The following SP110 variants were observed in gnomAD, a reference collection of about 807,000 sequenced individuals.
SP110 encodes SP110 nuclear body protein.
SP110 carries 62 observed loss-of-function variants against 92.7 expected under a neutral mutation model. The ratio of observed to expected loss-of-function variants is 0.67; its 90% confidence interval spans 0.55 to 0.83. The LOEUF is 0.83. Ranked by LOEUF, SP110 falls within the 40% of genes least tolerant of loss-of-function variation. The probability of loss-of-function intolerance (pLI) is 0.00; values close to 1 mark genes in which losing one functional copy is unlikely to be tolerated. For synonymous variants in SP110, 273 were observed against 305.3 expected (o/e 0.89, Z 1.10); for missense variants, 793 against 863.9 (o/e 0.92, Z 1.03).
chr2:230,223,210 T>A (rs199713106), upstream of SP110, among the ~76,000 whole-genome samples: 21 of 152,182 alleles, frequency 1.4e-4, no homozygotes, highest in East Asian at 3.1e-3. Flanking sequence ...CTAATTTTTG[T>A]ATTTTTAGTA....
chr2:230,198,806 C>T (rs2042994062), intron 10 of SP110, among the ~76,000 whole-genome samples: 1 of 152,114 alleles, frequency 6.6e-6, no homozygotes, highest in Admixed American at 6.5e-5. Flanking sequence ...CCATGTTGGC[C>T]AGACTGGTCT....
rs750255263 is a variant in SP110, at chr2:230,214,967, T to C, written c.299A>G (p.Tyr100Cys). The C allele has an allele frequency of 6.2e-7, 1 of 1,614,054 alleles. No individual in the cohort carries two copies. Among genetic ancestry groups the C allele is most frequent in the Non-Finnish European group, 8.5e-7 (1 of 1,179,898 alleles). ...CTCATTACCACGTTTGAAGCTTCTGTAAATCGTCACCAGATTGGGATATTC... is the reference window on the plus strand; with the variant it reads ...CTCATTACCACGTTTGAAGCTTCTGCAAATCGTCACCAGATTGGGATATTC... ...LREYPNLVTI[Y>C]RSFKRVGASY... Residue 100 changes from tyrosine to cysteine, a missense_variant, in exon 3 of 19, where the codon TAC becomes TGC. Tyr to Cys is a radical substitution (Grantham distance 194). Transcript: ENST00000258381.
In SP110 at chr2:230,211,376, A is replaced by G. The variant is rs1574747889; in HGVS notation, c.751+94T>C. 2.4e-6 allele frequency: 2 copies of G among 837,064 alleles called. No individual in the cohort carries two copies. The allele number at this position is 837,064 out of a possible 1,614,324, so 51.9% of individuals were successfully genotyped here. A position where few individuals can be genotyped will look rare whatever the true frequency, so the allele number is the denominator to read the frequency against. ...TGGGCCAAGATTGCTGAGAGGCAGGAGGAGAGCCCCCTCTCTAGAAGATCC... is the reference window on the plus strand; with the variant it reads ...TGGGCCAAGATTGCTGAGAGGCAGGGGGAGAGCCCCCTCTCTAGAAGATCC... On this transcript the variant is annotated intron_variant, in intron 6 of 18. Coordinates refer to ENST00000258381, the MANE Select transcript of SP110 (RefSeq NM_080424.4). This position sits in a 1 kb window ranked among gnomAD's most constrained non-coding sequence, Gnocchi z 4.2.
rs140716014 is a variant in SP110, at chr2:230,183,619, A to G, written c.1301T>C (p.Ile434Thr). 5.1e-5 allele frequency: 82 copies of G among 1,594,556 alleles called. 1 individual carries two copies. Among genetic ancestry groups the G allele is most frequent in the South Asian group, 1.8e-4 (16 of 90,738 alleles). Residue 434 changes from isoleucine to threonine, a missense_variant, in exon 12 of 19, where the codon ATC (isoleucine) becomes ACC (threonine). Transcript: ENST00000258381. The part of the protein sequence containing the change: ...RLKEKKKEKD[I>T]CSSSKRRFQK... ...AAATCTCCTTTTTGAGCTTGAACAG[A>G]TATCTTTCTCCTTTTTCTTTTCTAA...
chr2:230,175,489 C>T (rs1432406230), intron 14 of SP110, among the ~76,000 whole-genome samples: 1 of 152,200 alleles, frequency 6.6e-6, no homozygotes, highest in African/African-American at 2.4e-5. Flanking sequence ...CTGAGCACCC[C>T]TGATTCTCAG....
chr2:230,223,101 A>G (rs939547871), upstream of SP110, among the ~76,000 whole-genome samples: 4 of 151,336 alleles, frequency 2.6e-5, no homozygotes, highest in African/African-American at 9.7e-5. Context: ...CTGTGGCGCA[A>G]TCTTGGCTCA....
rs148118813 is a variant in SP110, at chr2:230,186,289, CTTCT to C, written c.1130-150_1130-147del. 8.1e-3 allele frequency: 6,110 copies of C among 756,812 alleles called. 276 individuals carry two copies. The African/African-American group carries it at 0.096, about 12-fold the overall frequency. 46.9% of individuals were successfully genotyped at this position (756,812 alleles called of 1,614,324 possible). On this transcript the variant is annotated intron_variant, in intron 10 of 18. Coordinates refer to ENST00000258381, the MANE Select transcript of SP110 (RefSeq NM_080424.4). ...CTTCCCCCCAGACTCATAATACTTC[CTTCT>C]ATTTCTCTTTTTCAAGTCCTCATTT...
At chr2:230,189,597 G>T (rs1212566042) in intron 10 of SP110, among the ~76,000 whole-genome samples, 1 of 152,036 alleles carries the variant, frequency 6.6e-6, no homozygotes, top group East Asian at 1.9e-4. Flanking sequence ...CCCAAAATGG[G>T]ACACACGTGC....
intron 10 of SP110, among the ~76,000 whole-genome samples, chr2:230,190,142 A>G (rs1194138482): frequency 1.3e-5 from 2 of 152,174 alleles, no homozygotes; most frequent in African/African-American, 2.4e-5. Flanking sequence ...GTCTTCCACA[A>G]TGGTTGAACT....
chr2:230,176,518 A>C, intron 14 of SP110: 1 of 1,562,982 alleles, frequency 6.4e-7, no homozygotes, highest in South Asian at 1.2e-5. Context: ...TTGCTTCCCC[A>C]TCCCAAATTA....
chr2:230,213,467 T>C (rs1033327912), intron 3 of SP110, among the ~76,000 whole-genome samples: 3 of 152,154 alleles, frequency 2.0e-5, no homozygotes, highest in African/African-American at 7.2e-5. Flanking sequence ...ATTAGGACAT[T>C]TATATTCTGG....
chr2:230,210,487 A>T (rs994422389), intron 6 of SP110, among the ~76,000 whole-genome samples: 3 of 152,236 alleles, frequency 2.0e-5, no homozygotes, highest in African/African-American at 7.2e-5. Flanking sequence ...TTTGACGTCT[A>T]TGTGTGGATA....
intron 10 of SP110, among the ~76,000 whole-genome samples, chr2:230,196,026 T>G (rs149295817): frequency 9.8e-5 from 15 of 152,292 alleles, no homozygotes; most frequent in African/African-American, 3.4e-4. Context: ...AGAAACTCAT[T>G]GTTTGGATGT....
At chr2:230,179,380 G>A (rs2042021381) in intron 12 of SP110, among the ~76,000 whole-genome samples, 1 of 151,766 alleles carries the variant, frequency 6.6e-6, no homozygotes, top group Non-Finnish European at 1.5e-5. Context: ...TGTTTCAACA[G>A]CCAGCCCTCT....
At chr2:230,170,508 T>G (rs2078408564) in intron 18 of SP110, 113 bp downstream of exon 18, 2 of 1,291,422 alleles carry the variant, frequency 1.5e-6, no homozygotes, top group Non-Finnish European at 2.2e-6. Flanking sequence ...ATCCTTGTCT[T>G]GTTTGAGCTC....
At chr2:230,201,011 G>T in intron 9 of SP110, 46 bp from the exon 10 acceptor site, 6 of 1,452,538 alleles carry the variant, frequency 4.1e-6, no homozygotes, top group Non-Finnish European at 5.8e-6. Flanking sequence ...GAAACACCAT[G>T]GAGAATCTCC....
At chr2:230,206,598 TATATATATATATATATATATATA>T (rs1559169594) in intron 8 of SP110, among the ~76,000 whole-genome samples, 1 of 31,310 alleles carries the variant, frequency 3.2e-5, no homozygotes, top group Non-Finnish European at 5.6e-5. Context: ...CCAGATTTTA[TATATATATATATATATATATATA>T]TATATATATA....
chr2:230,178,688 C>T (rs755198649), intron 12 of SP110, among the ~76,000 whole-genome samples: 1 of 152,184 alleles, frequency 6.6e-6, no homozygotes, highest in Non-Finnish European at 1.5e-5. Context: ...AGTGAGGTGG[C>T]TGGCACTGAG....
intron 10 of SP110, among the ~76,000 whole-genome samples, chr2:230,193,257 T>G (rs954883997): frequency 4.6e-5 from 7 of 152,200 alleles, no homozygotes; most frequent in Non-Finnish European, 4.4e-5. Flanking sequence ...GTGTGTTAAG[T>G]GAGTCTCTTG....
Sources: gnomAD v4.1 joint callset for allele counts (sites outside exome capture counted in the v4.1 genomes callset) on GRCh38, gnomAD v4.1.1 for gene constraint, Gnocchi (gnomAD v3.1) non-coding constraint, MANE v1.5 for transcripts, NCBI Gene and HGNC (gene_info 2026-07-23, HGNC 2026-07-21) for gene names.